ROBO2: variants seen among roughly 807,000 people sequenced by gnomAD.
ROBO2 encodes roundabout guidance receptor 2.
ROBO2 carries 53 observed loss-of-function variants against 160.8 expected under a neutral mutation model. The observed-to-expected ratio is 0.33, with a 90% CI of 0.26 to 0.41. The LOEUF (loss-of-function observed/expected upper bound fraction) is 0.41. ROBO2 is among the 10% of genes least tolerant of loss of function. The pLI, the probability that ROBO2 is intolerant of heterozygous loss-of-function variation, is 1.00. For missense variants in ROBO2, 1,577 were observed against 1,722.4 expected, an observed-to-expected ratio of 0.92 and a Z score of 1.49; for synonymous variants, 664 against 611.7, an observed-to-expected ratio of 1.09 and a Z score of -1.26.
At chr3:77,465,659 A>G (rs752614114) in intron 2 of ROBO2, among the ~76,000 whole-genome samples, 46 of 152,312 alleles carry the variant, frequency 3.0e-4, no homozygotes, top group South Asian at 2.1e-4. Flanking sequence ...GTTTGATTAA[A>G]GCATCCATGA....
intron 2 of ROBO2, among the ~76,000 whole-genome samples, chr3:76,746,693 G>A (rs1249037004): frequency 6.6e-6 from 1 of 152,088 alleles, no homozygotes; most frequent in Non-Finnish European, 1.5e-5. Context: ...AGGATGTTCA[G>A]GTTTGTTACA....
intron 2 of ROBO2, among the ~76,000 whole-genome samples, chr3:76,985,861 T>C (rs1231781629): frequency 6.6e-6 from 1 of 152,148 alleles, no homozygotes; most frequent in African/African-American, 2.4e-5. Flanking sequence ...CTGGAAGAGC[T>C]TGTGGTCCTG....
chr3:77,567,259 T>C (rs1446324249), intron 12 of ROBO2, among the ~76,000 whole-genome samples: 3 of 151,970 alleles, frequency 2.0e-5, no homozygotes, highest in Admixed American at 6.6e-5. Context: ...AAAAACAGGA[T>C]TACGAAAATA....
intron 2 of ROBO2, among the ~76,000 whole-genome samples, chr3:76,950,349 A>T (rs1320651587): frequency 1.3e-5 from 2 of 152,204 alleles, no homozygotes; most frequent in Non-Finnish European, 2.9e-5. Context: ...GAACACGATT[A>T]ATCTTTATGT....
chr3:77,035,518 A>C (rs903304308), upstream of ROBO2, among the ~76,000 whole-genome samples: 3 of 151,688 alleles, frequency 2.0e-5, no homozygotes, highest in Non-Finnish European at 3.0e-5. Context: ...TGCAGAGAAA[A>C]CTCTTTTAAA....
rs2067200472 is a variant in ROBO2, at chr3:76,038,926, A to C, written c.109+101324A>C. On this transcript the variant is annotated intron_variant, in intron 2 of 26. Transcript: ENST00000487694. Reference sequence around the variant, plus strand: ...TTTGTTTCAGTAGTGAATGCAGCTGAATTGGTCAAGTCATGCAAGCAGCAA... The same window carrying C: ...TTTGTTTCAGTAGTGAATGCAGCTGCATTGGTCAAGTCATGCAAGCAGCAA... Among the ~76,000 whole-genome samples, 3 of 152,086 alleles carry C rather than the reference A, an allele frequency of 2.0e-5. No homozygotes were observed. In the South Asian group the frequency reaches 6.2e-4, roughly 32 times the overall value.
chr3:77,120,215 G>A (rs1200266475), intron 2 of ROBO2, among the ~76,000 whole-genome samples: 2 of 152,058 alleles, frequency 1.3e-5, no homozygotes, highest in South Asian at 2.1e-4. Context: ...CCATGTGTCC[G>A]GCATGAACAT....
At chr3:77,596,774 T>C in intron 19 of ROBO2, 24 bp downstream of exon 20, 1 of 1,606,286 alleles carries the variant, frequency 6.2e-7, no homozygotes, top group Non-Finnish European at 8.5e-7. Context: ...TTTAAAATAG[T>C]GTTATTTGAG....
intron 2 of ROBO2, among the ~76,000 whole-genome samples, chr3:76,441,418 G>T (rs115058951): frequency 1.3e-5 from 2 of 152,098 alleles, no homozygotes; most frequent in Non-Finnish European, 2.9e-5. Context: ...ACTGTTGGTC[G>T]AAAGAGTATC....
chr3:76,124,015 A>G (rs1421674934), intron 2 of ROBO2, among the ~76,000 whole-genome samples: 1 of 152,142 alleles, frequency 6.6e-6, no homozygotes, highest in Non-Finnish European at 1.5e-5. Context: ...AGTGAAGGAA[A>G]GTAATCACTA....
At chr3:76,869,603 C>A (rs1047616275) in intron 2 of ROBO2, among the ~76,000 whole-genome samples, 1 of 152,030 alleles carries the variant, frequency 6.6e-6, no homozygotes, top group African/African-American at 2.4e-5. Context: ...CCCGCCTCGG[C>A]CTCCCAAAGT....
chr3:76,998,021 C>G (rs999809312), intron 2 of ROBO2, among the ~76,000 whole-genome samples: 4 of 152,216 alleles, frequency 2.6e-5, no homozygotes, highest in African/African-American at 7.2e-5. Context: ...GGGCTCAGAA[C>G]AGTTCAACAT....
At chr3:76,649,339 C>G (rs762372455) in intron 2 of ROBO2, among the ~76,000 whole-genome samples, 1 of 152,102 alleles carries the variant, frequency 6.6e-6, no homozygotes, top group Non-Finnish European at 1.5e-5. Context: ...CACTGCTACT[C>G]CAGCGATTTC....
At chr3:77,455,020 T>G (rs1402881322) in intron 2 of ROBO2, among the ~76,000 whole-genome samples, 2 of 152,210 alleles carry the variant, frequency 1.3e-5, no homozygotes, top group African/African-American at 4.8e-5. Flanking sequence ...AGTAGTTTGT[T>G]GTTGCTGATA....
At chr3:76,885,207 G>A (rs1360564450) in intron 2 of ROBO2, among the ~76,000 whole-genome samples, 1 of 152,002 alleles carries the variant, frequency 6.6e-6, no homozygotes, top group Non-Finnish European at 1.5e-5. Flanking sequence ...TTATTTCTGT[G>A]GGTAATTTTA....
chr3:76,967,434 T>C (rs541983513), intron 2 of ROBO2, among the ~76,000 whole-genome samples: 1 of 149,962 alleles, frequency 6.7e-6, no homozygotes, highest in Non-Finnish European at 1.5e-5. Flanking sequence ...CTCGAACTCC[T>C]GGCCTCAAAT....
At chr3:77,225,415 TGA>T (rs1218252735) in intron 2 of ROBO2, among the ~76,000 whole-genome samples, 3 of 152,096 alleles carry the variant, frequency 2.0e-5, no homozygotes, top group East Asian at 3.9e-4. Context: ...TCATTCCTTC[TGA>T]TAGCTTTTGG....
chr3:76,724,922 G>A (rs1269203280), intron 2 of ROBO2, among the ~76,000 whole-genome samples: 1 of 152,106 alleles, frequency 6.6e-6, no homozygotes, highest in African/African-American at 2.4e-5. Flanking sequence ...CAGAGGCAGA[G>A]GGTGGAGTAA....
chr3:76,992,250 T>G (rs2060707093), intron 2 of ROBO2, among the ~76,000 whole-genome samples: 1 of 150,052 alleles, frequency 6.7e-6, no homozygotes, highest in Non-Finnish European at 1.5e-5. Context: ...GTTTTCATTC[T>G]TAGGACATAT....
Sources: allele counts gnomAD v4.1 joint callset (sites outside exome capture counted in the v4.1 genomes callset), GRCh38; gene constraint gnomAD v4.1.1; transcripts MANE v1.5; gene names NCBI Gene and HGNC (gene_info 2026-07-23, HGNC 2026-07-21).